Variants in GABBR2 observed in about 807,000 individuals in gnomAD.
GABBR2 encodes G-protein coupled receptor 51.
GABBR2 carries 23 observed loss-of-function variants against 105.6 expected under a neutral mutation model. The ratio of observed to expected loss-of-function variants is 0.22; its 90% confidence interval spans 0.16 to 0.31. The LOEUF (loss-of-function observed/expected upper bound fraction) is 0.31. Ranked by LOEUF, GABBR2 falls within the 10% of genes least tolerant of loss-of-function variation. GABBR2 has a pLI of 1.00. For missense variants in GABBR2, 734 were observed against 1,245.5 expected (o/e 0.59, Z 6.18); for synonymous variants, 478 against 499.7 (o/e 0.96, Z 0.58).
chr9:98,679,809 A>C (rs996329734), intron 1 of GABBR2, among the ~76,000 whole-genome samples: 4 of 152,232 alleles, frequency 2.6e-5, no homozygotes, highest in Non-Finnish European at 4.4e-5. Context: ...AAGACACAGG[A>C]GCACAGAGGG....
chr9:98,678,473 G>C (rs1354730936), intron 1 of GABBR2, among the ~76,000 whole-genome samples: 2 of 152,198 alleles, frequency 1.3e-5, no homozygotes, highest in Non-Finnish European at 2.9e-5. Flanking sequence ...GCAGAATCTT[G>C]AGGTTGGTAA....
chr9:98,531,321 A>G (rs554162443), intron 3 of GABBR2, among the ~76,000 whole-genome samples: 7 of 152,286 alleles, frequency 4.6e-5, no homozygotes, highest in Non-Finnish European at 8.8e-5. Flanking sequence ...ATGGGGGACC[A>G]TCCACTAGGT....
intron 8 of GABBR2, among the ~76,000 whole-genome samples, chr9:98,403,072 G>A (rs1832422465): frequency 6.6e-6 from 1 of 152,044 alleles, no homozygotes; most frequent in African/African-American, 2.4e-5. Flanking sequence ...GAGGTGGGCA[G>A]ACTGCGAGGT....
intron 6 of GABBR2, among the ~76,000 whole-genome samples, chr9:98,460,505 C>A (rs544777500): frequency 6.6e-6 from 1 of 151,730 alleles, no homozygotes; most frequent in African/African-American, 2.4e-5. Flanking sequence ...AAAAATACAA[C>A]AATTGAAATA....
chr9:98,637,256 T>C (rs1211513853), intron 1 of GABBR2, among the ~76,000 whole-genome samples: 1 of 152,174 alleles, frequency 6.6e-6, no homozygotes, highest in Non-Finnish European at 1.5e-5. Context: ...ACGTGCTGCA[T>C]GCGAAAAGGG....
chr9:98,582,316 T>C (rs1829013979), intron 1 of GABBR2, among the ~76,000 whole-genome samples: 1 of 152,048 alleles, frequency 6.6e-6, no homozygotes, highest in Admixed American at 6.5e-5. Context: ...GATGAAGAGG[T>C]CCACGTGTCA....
chr9:98,429,121 G>GGTGTGTGTGTGTGTGTGTGTGTGTGTGT (rs56248488), intron 7 of GABBR2, among the ~76,000 whole-genome samples: 4 of 145,482 alleles, frequency 2.7e-5, no homozygotes, highest in African/African-American at 1.0e-4. Context: ...CCAGGTTTTT[G>GGTGTGTGTGTGTGTGTGTGTGTGTGTGT]GTGTGTGTGT....
At chr9:98,302,624 G>A (rs940024057) in intron 16 of GABBR2, among the ~76,000 whole-genome samples, 4 of 152,128 alleles carry the variant, frequency 2.6e-5, no homozygotes, top group African/African-American at 4.8e-5. Flanking sequence ...AGCCTGCAGA[G>A]CACGGGTTCA....
At chr9:98,638,904 T>C (rs747742619) in intron 1 of GABBR2, among the ~76,000 whole-genome samples, 3 of 152,212 alleles carry the variant, frequency 2.0e-5, no homozygotes, top group Non-Finnish European at 4.4e-5. Flanking sequence ...CACTTACACA[T>C]AGACATGTAG....
intron 9 of GABBR2, among the ~76,000 whole-genome samples, chr9:98,393,029 C>CCCAACCAACCATCCAT (rs796720120): frequency 8.1e-6 from 1 of 123,060 alleles, no homozygotes; most frequent in African/African-American, 3.3e-5. Context: ...CATGCATCCA[C>CCCAACCAACCATCCAT]CCATCCATCC....
intron 2 of GABBR2, among the ~76,000 whole-genome samples, chr9:98,543,558 CCTCA>C (rs1212754525): frequency 6.6e-6 from 1 of 151,958 alleles, no homozygotes; most frequent in East Asian, 1.9e-4. Context: ...AGAGAAGGGG[CCTCA>C]CTATGTTGCC....
intron 1 of GABBR2, among the ~76,000 whole-genome samples, chr9:98,702,373 C>T (rs1478546256): frequency 6.6e-6 from 1 of 152,142 alleles, no homozygotes; most frequent in African/African-American, 2.4e-5. Flanking sequence ...TCCTGCCTCC[C>T]TGTCTCCATT....
intron 3 of GABBR2, among the ~76,000 whole-genome samples, chr9:98,516,664 A>G (rs1051795914): frequency 6.6e-6 from 1 of 151,864 alleles, no homozygotes; most frequent in African/African-American, 2.4e-5. Context: ...CCCATTCCTG[A>G]CCCCGAGGGT....
chr9:98,630,777 G>A (rs1159567575), intron 1 of GABBR2, among the ~76,000 whole-genome samples: 1 of 152,156 alleles, frequency 6.6e-6, no homozygotes, highest in Non-Finnish European at 1.5e-5. Context: ...AGTTGAATAG[G>A]ATGGCTTTTA....
chr9:98,334,318 G>A (rs781501641), intron 13 of GABBR2, among the ~76,000 whole-genome samples: 7 of 152,158 alleles, frequency 4.6e-5, no homozygotes, highest in Admixed American at 1.3e-4. Context: ...ACAAAGGGAC[G>A]GATGCAAAAA....
chr9:98,674,575 G>A (rs948988211), intron 1 of GABBR2, among the ~76,000 whole-genome samples: 4 of 152,126 alleles, frequency 2.6e-5, no homozygotes, highest in Non-Finnish European at 4.4e-5. Flanking sequence ...AGAGGGCAGG[G>A]CGGCACCTGG....
intron 13 of GABBR2, among the ~76,000 whole-genome samples, chr9:98,337,328 G>T (rs1207766502): frequency 1.3e-5 from 2 of 152,134 alleles, no homozygotes; most frequent in Non-Finnish European, 2.9e-5. Context: ...ATTGCTGAAA[G>T]AAATTAAAGA....
intron 2 of GABBR2, among the ~76,000 whole-genome samples, chr9:98,562,115 A>G (rs1036085734): frequency 7.9e-5 from 12 of 152,178 alleles, no homozygotes; most frequent in African/African-American, 2.7e-4. Context: ...CAAATTTAGT[A>G]TCATCAATAA....
intron 1 of GABBR2, among the ~76,000 whole-genome samples, chr9:98,701,233 G>C (rs1186544412): frequency 2.0e-5 from 3 of 152,198 alleles, no homozygotes; most frequent in African/African-American, 7.2e-5. Context: ...AACATTCTTA[G>C]CCCAATATCA....
Sources: allele counts gnomAD v4.1 joint callset (sites outside exome capture counted in the v4.1 genomes callset), GRCh38; gene constraint gnomAD v4.1.1; transcripts MANE v1.5; gene names NCBI Gene and HGNC (gene_info 2026-07-23, HGNC 2026-07-21).